The following CLSTN2 variants were observed in gnomAD, a reference collection of about 807,000 sequenced individuals.
CLSTN2 encodes the protein calsyntenin-2.
A neutral mutation model predicts 101.2 loss-of-function variants in CLSTN2; 48 were observed. The observed-to-expected ratio is 0.47, with a 90% CI of 0.38 to 0.60. CLSTN2 has a LOEUF of 0.60. Ranked by LOEUF, CLSTN2 falls within the 20% of genes least tolerant of loss-of-function variation. The probability of loss-of-function intolerance (pLI) is 0.00; values close to 1 mark genes in which losing one functional copy is unlikely to be tolerated. For synonymous variants in CLSTN2, 481 were observed against 463.6 expected (o/e 1.04, Z -0.48); for missense variants, 1,160 against 1,238.2 (o/e 0.94, Z 0.95).
At chr3:140,193,786 G>A (rs2010606337) in intron 2 of CLSTN2, among the ~76,000 whole-genome samples, 1 of 151,892 alleles carries the variant, frequency 6.6e-6, no homozygotes, top group African/African-American at 2.4e-5. Context: ...TGAATATTTT[G>A]TTATAGTTCC....
At position 140,435,175 on chromosome 3, in the gene CLSTN2, T is replaced by C. The variant is rs199826070; in HGVS notation, c.788-13344T>C. ...AGGTCTTACTCATTCTTTGTATTTT[T>C]TATATCCATTAACCATCCCCACCTC... On this transcript the variant is annotated intron_variant, in intron 5 of 16. Coordinates refer to ENST00000458420, the MANE Select transcript of CLSTN2 (RefSeq NM_022131.3). 7.2e-5 allele frequency among the ~76,000 whole-genome samples: 11 copies of C among 152,300 alleles called. No homozygotes were observed. The East Asian group carries it at 1.9e-3, about 27-fold the overall frequency.
chr3:140,132,449 G>A (rs964147646), intron 1 of CLSTN2, among the ~76,000 whole-genome samples: 1 of 152,126 alleles, frequency 6.6e-6, no homozygotes, highest in Admixed American at 6.5e-5. Context: ...CCTACAAGAT[G>A]CAAAGGAAAG....
intron 2 of CLSTN2, among the ~76,000 whole-genome samples, chr3:140,235,420 T>C (rs9816454): frequency 0.74 from 112,608 of 152,100 alleles, 45,348 homozygotes; most frequent in East Asian, 0.91. Flanking sequence ...CTGCTGGGTA[T>C]TGAAGCAGAA....
chr3:140,042,628 C>G (rs2007783883), intron 1 of CLSTN2, among the ~76,000 whole-genome samples: 1 of 152,130 alleles, frequency 6.6e-6, no homozygotes, highest in African/African-American at 2.4e-5. Flanking sequence ...CACCCATTAA[C>G]TCATCATTTA....
chr3:140,094,949 A>G (rs1370463345), intron 1 of CLSTN2, among the ~76,000 whole-genome samples: 1 of 152,242 alleles, frequency 6.6e-6, no homozygotes, highest in East Asian at 1.9e-4. Flanking sequence ...TGCTGGAACC[A>G]GCAGGAGTCA....
intron 1 of CLSTN2, among the ~76,000 whole-genome samples, chr3:140,106,001 G>T (rs1290367367): frequency 6.6e-6 from 1 of 152,198 alleles, no homozygotes. Flanking sequence ...TCGGCAGAAC[G>T]TGGTAACTTC....
At chr3:140,292,581 G>T (rs2086965553) in intron 2 of CLSTN2, among the ~76,000 whole-genome samples, 1 of 152,126 alleles carries the variant, frequency 6.6e-6, no homozygotes. Flanking sequence ...AGCACTTCAG[G>T]CCTGTTAGAA....
intron 8 of CLSTN2, among the ~76,000 whole-genome samples, chr3:140,489,138 G>T (rs1934292892): frequency 6.6e-6 from 1 of 152,156 alleles, no homozygotes; most frequent in Non-Finnish European, 1.5e-5. Flanking sequence ...CAAGACAATG[G>T]ATACTTTTGG....
intron 8 of CLSTN2, among the ~76,000 whole-genome samples, chr3:140,525,458 A>G (rs1285716023): frequency 6.6e-6 from 1 of 152,130 alleles, no homozygotes; most frequent in African/African-American, 2.4e-5. Context: ...ACTAACCAAA[A>G]AGAGCCCTAG....
At chr3:140,311,465 C>T (rs1165309446) in intron 2 of CLSTN2, among the ~76,000 whole-genome samples, 2 of 147,050 alleles carry the variant, frequency 1.4e-5, no homozygotes, top group African/African-American at 5.2e-5. Flanking sequence ...GCCACTATGC[C>T]TGGCTAATTT....
chr3:140,393,833 C>T (rs1013553803), intron 2 of CLSTN2, among the ~76,000 whole-genome samples: 2 of 152,122 alleles, frequency 1.3e-5, no homozygotes, highest in Non-Finnish European at 2.9e-5. Context: ...GGCAGTATTT[C>T]TTGAGACATA....
intron 2 of CLSTN2, among the ~76,000 whole-genome samples, chr3:140,308,654 C>T (rs1384520284): frequency 3.3e-5 from 5 of 152,218 alleles, no homozygotes; most frequent in African/African-American, 1.2e-4. Flanking sequence ...ACCACCCCTG[C>T]TCATTTCTCA....
chr3:139,965,441 A>T (rs1438091582), intron 1 of CLSTN2, among the ~76,000 whole-genome samples: 2 of 152,106 alleles, frequency 1.3e-5, no homozygotes, highest in African/African-American at 4.8e-5. Context: ...GTAATGTGGG[A>T]GTGGTATTCT....
intron 2 of CLSTN2, among the ~76,000 whole-genome samples, chr3:140,250,419 A>G (rs374670701): frequency 2.0e-5 from 3 of 152,320 alleles, no homozygotes; most frequent in East Asian, 3.9e-4. Flanking sequence ...GCCGGTGGCT[A>G]CAGCTGAGAG....
At chr3:140,206,453 C>T (rs1204221387) in intron 2 of CLSTN2, among the ~76,000 whole-genome samples, 1 of 152,212 alleles carries the variant, frequency 6.6e-6, no homozygotes, top group African/African-American at 2.4e-5. Flanking sequence ...CAAGGAATCA[C>T]AGCCCCAGCC....
intron 5 of CLSTN2, among the ~76,000 whole-genome samples, chr3:140,428,127 T>C (rs766839637): frequency 4.6e-5 from 7 of 152,188 alleles, no homozygotes; most frequent in African/African-American, 9.6e-5. Flanking sequence ...CTTTAGAAGA[T>C]TGTTTGTAAT....
intron 1 of CLSTN2, among the ~76,000 whole-genome samples, chr3:140,029,884 A>G (rs2007509994): frequency 6.6e-6 from 1 of 152,248 alleles, no homozygotes; most frequent in African/African-American, 2.4e-5. Context: ...CCAAGACCCA[A>G]ATTGGAGGCA....
chr3:140,505,288 C>T (rs558595961), intron 8 of CLSTN2, among the ~76,000 whole-genome samples: 3 of 152,274 alleles, frequency 2.0e-5, no homozygotes, highest in South Asian at 2.1e-4. Flanking sequence ...TTCAGTGGCT[C>T]TGAATTCCAC....
rs1217563098 is a variant in CLSTN2 at position 140,563,122 on chromosome 3, G to A, written c.2401G>A (p.Val801Ile). ...AGACCAAGTCTCAGATAAGGAGCATGTCAATCATCTGATTGTGCAGCCTCC... is the reference window on the plus strand; with the variant it reads ...AGACCAAGTCTCAGATAAGGAGCATATCAATCATCTGATTGTGCAGCCTCC... ...HEDQVSDKEH[V>I]NHLIVQPPFL... Residue 801 changes from valine (V) to isoleucine (I), a missense_variant, in exon 15 of 17, where the codon GTC (valine) becomes ATC (isoleucine). Coordinates refer to ENST00000458420, the MANE Select transcript of CLSTN2 (RefSeq NM_022131.3). The A allele has an allele frequency of 1.2e-6, 2 of 1,614,126 alleles. No homozygotes were observed. The highest frequency in any genetic ancestry group is 2.7e-5 in the African/African-American group (2 of 75,038).
Sources: gnomAD v4.1 joint callset for allele counts (sites outside exome capture counted in the v4.1 genomes callset) on GRCh38, gnomAD v4.1.1 for gene constraint, MANE v1.5 for transcripts, NCBI Gene and HGNC (gene_info 2026-07-23, HGNC 2026-07-21) for gene names.